The following SDK1 variants were observed in gnomAD, a reference collection of about 807,000 sequenced individuals.
The protein encoded by SDK1 is sidekick cell adhesion molecule 1.
In SDK1, 157 loss-of-function variants were observed where a neutral mutation model predicts 245.5. That is an observed-to-expected ratio of 0.64 (90% CI 0.56 to 0.73). SDK1 has a LOEUF of 0.73. Among genes scored for constraint, SDK1 ranks in the 30% least tolerant of loss-of-function variants. The pLI is 0.00. For synonymous variants in SDK1, 1,647 were observed against 1,278.5 expected (o/e 1.29, Z -6.15); for missense variants, 3,583 against 3,002.3 (o/e 1.19, Z -4.52).
At chr7:3,314,769 A>C (rs1348130470) in intron 1 of SDK1, among the ~76,000 whole-genome samples, 1 of 152,178 alleles carries the variant, frequency 6.6e-6, no homozygotes, top group Non-Finnish European at 1.5e-5. Context: ...ATTATAATCT[A>C]GTGTTTTATT....
intron 22 of SDK1, among the ~76,000 whole-genome samples, chr7:4,092,735 C>T (rs1562797962): frequency 1.3e-5 from 2 of 152,040 alleles, no homozygotes; most frequent in Non-Finnish European, 1.5e-5. Context: ...GCTGGGGCGC[C>T]GGGAGGACAC....
At chr7:4,257,332 T>C (rs1013708389) in intron 44 of SDK1, among the ~76,000 whole-genome samples, 2 of 152,218 alleles carry the variant, frequency 1.3e-5, no homozygotes, top group African/African-American at 4.8e-5. Flanking sequence ...TTTCTGTCCT[T>C]CTACAGTTTC....
At chr7:3,612,469 T>A (rs1381397643) in intron 1 of SDK1, among the ~76,000 whole-genome samples, 1 of 152,170 alleles carries the variant, frequency 6.6e-6, no homozygotes, top group Non-Finnish European at 1.5e-5. Context: ...TAGGTATACA[T>A]AATGAACTGC....
chr7:4,207,921 T>C (rs2128227634), intron 36 of SDK1, among the ~76,000 whole-genome samples, 178 bp from the exon 37 acceptor site: 1 of 152,252 alleles, frequency 6.6e-6, no homozygotes, highest in East Asian at 1.9e-4. Context: ...TCCCCGTCCA[T>C]ACACAGTAGC....
intron 4 of SDK1, among the ~76,000 whole-genome samples, chr7:3,700,917 C>G (rs972536926): frequency 6.6e-6 from 1 of 152,030 alleles, no homozygotes; most frequent in Non-Finnish European, 1.5e-5. Context: ...AACCCATTCT[C>G]TTAGTTTTTC....
chr7:3,756,385 C>G (rs918597352), intron 4 of SDK1, among the ~76,000 whole-genome samples: 4 of 151,736 alleles, frequency 2.6e-5, no homozygotes, highest in African/African-American at 9.7e-5. Context: ...TGGCATAGCA[C>G]ATGTGACACA....
chr7:3,687,934 T>C (rs1784338018), intron 4 of SDK1, among the ~76,000 whole-genome samples: 1 of 152,160 alleles, frequency 6.6e-6, no homozygotes, highest in Non-Finnish European at 1.5e-5. Context: ...ATCTGTGTTA[T>C]CTCAAGAGCT....
At chr7:3,971,829 A>T (rs1448815792) in intron 12 of SDK1, among the ~76,000 whole-genome samples, 1 of 152,166 alleles carries the variant, frequency 6.6e-6, no homozygotes, top group African/African-American at 2.4e-5. Flanking sequence ...GCCAAGGTTA[A>T]TACACTATCT....
chr7:3,475,277 C>G (rs1038371887), intron 1 of SDK1, among the ~76,000 whole-genome samples: 1 of 152,132 alleles, frequency 6.6e-6, no homozygotes, highest in Non-Finnish European at 1.5e-5. Flanking sequence ...TTGTTCTCCC[C>G]TCTGTCTGGA....
chr7:3,656,426 G>T (rs976963772), intron 4 of SDK1, among the ~76,000 whole-genome samples: 4 of 152,138 alleles, frequency 2.6e-5, no homozygotes, highest in African/African-American at 9.7e-5. Context: ...ATACCTCCTT[G>T]CACTGACATT....
chr7:3,864,866 C>T lies in SDK1; in HGVS notation c.847+43283C>T, dbSNP rs541780304. ...AGTGGATCACTAATACCAGTAGTGA[C>T]GATAGTGCATTCTCTCCACAAAGAA... On this transcript the variant is annotated intron_variant, in intron 5 of 44. Transcript: ENST00000404826. Among the ~76,000 whole-genome samples the T allele has an allele frequency of 4.7e-4, 72 of 152,272 alleles. 1 individual carries two copies. Among genetic ancestry groups the T allele is most frequent in the African/African-American group, 1.5e-3 (62 of 41,568 alleles).
At chr7:4,082,855 A>G (rs1327025602) in intron 22 of SDK1, among the ~76,000 whole-genome samples, 1 of 152,132 alleles carries the variant, frequency 6.6e-6, no homozygotes, top group African/African-American at 2.4e-5. Flanking sequence ...TCCTGAGTTC[A>G]AGCGATCTGT....
intron 5 of SDK1, among the ~76,000 whole-genome samples, chr7:3,887,223 C>A (rs115864595): frequency 6.6e-6 from 1 of 152,002 alleles, no homozygotes; most frequent in African/African-American, 2.4e-5. Context: ...CAGCAGTAGC[C>A]CTGGCAAATC....
At chr7:3,529,795 G>T (rs1783278447) in intron 1 of SDK1, among the ~76,000 whole-genome samples, 1 of 152,150 alleles carries the variant, frequency 6.6e-6, no homozygotes. Flanking sequence ...TGGTCGAGGG[G>T]TGGGCTATGC....
intron 9 of SDK1, among the ~76,000 whole-genome samples, chr7:3,965,534 A>T (rs777468152): frequency 6.6e-6 from 1 of 152,148 alleles, no homozygotes; most frequent in Non-Finnish European, 1.5e-5. Context: ...ATGAAAGGAA[A>T]ATGTGCTTTA....
At chr7:3,322,094 G>C (rs1220002302) in intron 1 of SDK1, among the ~76,000 whole-genome samples, 1 of 150,918 alleles carries the variant, frequency 6.6e-6, no homozygotes, top group African/African-American at 2.4e-5. Context: ...AATACATCCA[G>C]AGTGCTGTGT....
chr7:3,566,602 A>T (rs1001862636), intron 1 of SDK1, among the ~76,000 whole-genome samples: 19 of 152,084 alleles, frequency 1.2e-4, no homozygotes, highest in Admixed American at 6.6e-4. Flanking sequence ...ATTCTGTTCA[A>T]TGAAGGTATC....
intron 1 of SDK1, among the ~76,000 whole-genome samples, chr7:3,330,804 G>T (rs4509207): frequency 9.6e-6 from 1 of 104,602 alleles, no homozygotes; most frequent in African/African-American, 3.4e-5. Flanking sequence ...AAACCATTTC[G>T]CTTAAAAAAA....
chr7:3,742,127 C>T (rs895558683), intron 4 of SDK1, among the ~76,000 whole-genome samples: 6 of 149,192 alleles, frequency 4.0e-5, no homozygotes, highest in African/African-American at 1.0e-4. Flanking sequence ...GTATTAAATT[C>T]TCTGTTCCTC....
Sources: allele counts gnomAD v4.1 joint callset (sites outside exome capture counted in the v4.1 genomes callset), GRCh38; gene constraint gnomAD v4.1.1; transcripts MANE v1.5; gene names NCBI Gene and HGNC (gene_info 2026-07-23, HGNC 2026-07-21).